The following PTPRD variants were observed in gnomAD, a reference collection of about 807,000 sequenced individuals.
PTPRD encodes receptor-type tyrosine-protein phosphatase delta.
A neutral mutation model predicts 214.5 loss-of-function variants in PTPRD; 34 were observed. The observed-to-expected ratio is 0.16, with a 90% CI of 0.12 to 0.21. The LOEUF is 0.21. Ranked by LOEUF, PTPRD falls within the 10% of genes least tolerant of loss-of-function variation. PTPRD has a pLI of 1.00. For missense variants in PTPRD, 2,545 were observed against 2,398.7 expected, an observed-to-expected ratio of 1.06 and a Z score of -1.27; for synonymous variants, 1,128 against 845.7, an observed-to-expected ratio of 1.33 and a Z score of -5.79.
At chr9:8,381,484 A>T (rs1391856512) in intron 37 of PTPRD, among the ~76,000 whole-genome samples, 4 of 151,620 alleles carry the variant, frequency 2.6e-5, no homozygotes, top group Non-Finnish European at 5.9e-5. Flanking sequence ...CTCAATCAAT[A>T]TTTGGCTATA....
chr9:9,020,387 C>T (rs541649587), intron 10 of PTPRD, among the ~76,000 whole-genome samples: 8 of 152,122 alleles, frequency 5.3e-5, no homozygotes, highest in Non-Finnish European at 7.4e-5. Flanking sequence ...TGATTGGAAG[C>T]GGAGGTGAAA....
chr9:10,602,882 A>AT (rs2078335615), intron 2 of PTPRD, among the ~76,000 whole-genome samples: 1 of 151,752 alleles, frequency 6.6e-6, no homozygotes, highest in Non-Finnish European at 1.5e-5. Flanking sequence ...TAACTGGCAG[A>AT]TGGGACCCTG....
chr9:9,933,634 C>G (rs1230625278), intron 5 of PTPRD, among the ~76,000 whole-genome samples: 2 of 149,822 alleles, frequency 1.3e-5, no homozygotes, highest in African/African-American at 2.5e-5. Flanking sequence ...TAATGGGAGA[C>G]TTTAACACCC....
At chr9:8,614,135 A>C (rs1399100766) in intron 14 of PTPRD, among the ~76,000 whole-genome samples, 1 of 152,186 alleles carries the variant, frequency 6.6e-6, no homozygotes, top group Non-Finnish European at 1.5e-5. Flanking sequence ...ATGTCATTTA[A>C]GATATGCTTC....
chr9:8,528,809 A>G (rs2074916732), intron 14 of PTPRD, 30 bp from the exon 15 acceptor site: 1 of 1,604,052 alleles, frequency 6.2e-7, no homozygotes, highest in South Asian at 1.1e-5. Flanking sequence ...AGAAACATTC[A>G]GTTAATAAGT....
intron 6 of PTPRD, among the ~76,000 whole-genome samples, chr9:9,757,816 A>G (rs889080825): frequency 1.3e-5 from 2 of 152,090 alleles, no homozygotes; most frequent in African/African-American, 2.4e-5. Context: ...ACTTTTAACC[A>G]TCTTACTCAT....
chr9:9,477,592 T>A (rs911397328), intron 8 of PTPRD, among the ~76,000 whole-genome samples: 1 of 152,266 alleles, frequency 6.6e-6, no homozygotes, highest in East Asian at 1.9e-4. Flanking sequence ...ATTTCCAAGT[T>A]GAAAGGGTAA....
Position 9,580,538 on chromosome 9 carries a change from CTTTAT to C in PTPRD, c.-286-5762_-286-5758del, listed in dbSNP as rs1206203659. Among the ~76,000 whole-genome samples the C allele has an allele frequency of 4.3e-5, 6 of 138,562 alleles. No individual in the cohort carries two copies. The South Asian group carries it at 6.7e-4, about 16-fold the overall frequency. The allele number at this position is 138,562 out of a possible 152,430, so 90.9% of individuals were successfully genotyped here. On this transcript the variant is annotated intron_variant, in intron 7 of 45. Transcript: ENST00000381196. Reference sequence around the variant, plus strand: ...GGTGTCTATTCATGTCCTTAGCTTACTTTATTTTCTTTTTTTTTTTTTTTTTTTGA... The same window carrying C: ...GGTGTCTATTCATGTCCTTAGCTTACTTTCTTTTTTTTTTTTTTTTTTTGA...
In PTPRD at chr9:9,414,475, T is replaced by C. The variant is rs1325092222; in HGVS notation, c.-236-16993A>G. On this transcript the variant is annotated intron_variant, in intron 8 of 45. Coordinates refer to ENST00000381196, the MANE Select transcript of PTPRD (RefSeq NM_002839.4). ...AAATACATTTAGGGAAGGACGGCCT[T>C]AAGGAGGTGGTGGTAATTGAGTCTT... is the stretch of plus-strand genomic sequence containing the variant. 3.3e-5 allele frequency among the ~76,000 whole-genome samples: 5 copies of C among 152,280 alleles called. No individual in the cohort carries two copies. In the East Asian group the frequency reaches 9.7e-4, roughly 29 times the overall value.
intron 12 of PTPRD, among the ~76,000 whole-genome samples, chr9:8,643,017 T>C (rs887322586): frequency 1.3e-5 from 2 of 152,150 alleles, no homozygotes; most frequent in African/African-American, 4.8e-5. Context: ...GTGGGGACAG[T>C]GAATCTGTCA....
chr9:10,502,500 T>C (rs961424627), intron 2 of PTPRD, among the ~76,000 whole-genome samples: 1 of 152,008 alleles, frequency 6.6e-6, no homozygotes, highest in Non-Finnish European at 1.5e-5. Context: ...AAGACACAAT[T>C]TTCACCCAAC....
intron 2 of PTPRD, among the ~76,000 whole-genome samples, chr9:10,583,890 G>C (rs1462408382): frequency 6.6e-6 from 1 of 152,156 alleles, no homozygotes; most frequent in Non-Finnish European, 1.5e-5. Flanking sequence ...AAAGCACTGA[G>C]TTAATGTCTA....
intron 9 of PTPRD, among the ~76,000 whole-genome samples, chr9:9,378,751 C>T (rs1258331249): frequency 6.6e-6 from 1 of 152,040 alleles, no homozygotes; most frequent in Non-Finnish European, 1.5e-5. Flanking sequence ...ATTCACATTT[C>T]TCTAATGACA....
chr9:10,525,550 G>A (rs879868546), intron 2 of PTPRD, among the ~76,000 whole-genome samples: 1 of 152,068 alleles, frequency 6.6e-6, no homozygotes, highest in Non-Finnish European at 1.5e-5. Flanking sequence ...CTAAGTTGAT[G>A]TTATTTGCTT....
At chr9:10,104,235 G>C (rs963844775) in intron 3 of PTPRD, among the ~76,000 whole-genome samples, 3 of 151,736 alleles carry the variant, frequency 2.0e-5, no homozygotes, top group African/African-American at 4.8e-5. Flanking sequence ...GAGTTCTGGA[G>C]ATGGATGGTG....
rs2098846902 is a variant in PTPRD, at chr9:10,129,909, T to C, written c.-544-96119A>G. Among the ~76,000 whole-genome samples, 3 of 151,726 alleles carry C rather than the reference T, an allele frequency of 2.0e-5. No individual in the cohort carries two copies. In the South Asian group the frequency reaches 6.4e-4, roughly 32 times the overall value. On this transcript the variant is annotated intron_variant, in intron 3 of 45. Coordinates refer to ENST00000381196, the MANE Select transcript of PTPRD (RefSeq NM_002839.4). ...CTTATTTGAGAATAAAAATGGTAGT[T>C]TGGTTTAGTGGAAATAACCAAATGT...
intron 4 of PTPRD, among the ~76,000 whole-genome samples, chr9:10,028,198 T>C (rs2096968267): frequency 6.6e-6 from 1 of 152,216 alleles, no homozygotes; most frequent in African/African-American, 2.4e-5. Flanking sequence ...TCTGCTGCCA[T>C]GTGAGACATG....
chr9:9,260,079 T>C (rs578124749), intron 9 of PTPRD, among the ~76,000 whole-genome samples: 1 of 151,890 alleles, frequency 6.6e-6, no homozygotes, highest in South Asian at 2.1e-4. Flanking sequence ...AACTGTTTTA[T>C]GAGCTTTGAG....
chr9:8,798,706 C>T (rs1039711006), intron 11 of PTPRD, among the ~76,000 whole-genome samples: 8 of 152,218 alleles, frequency 5.3e-5, no homozygotes, highest in African/African-American at 1.7e-4. Flanking sequence ...TACAAGAAAG[C>T]TGTGCCTTCT....
Sources: gnomAD v4.1 joint callset for allele counts (sites outside exome capture counted in the v4.1 genomes callset) on GRCh38, gnomAD v4.1.1 for gene constraint, MANE v1.5 for transcripts, NCBI Gene and HGNC (gene_info 2026-07-23, HGNC 2026-07-21) for gene names.